Variants in CD82 observed in about 807,000 individuals in gnomAD.
CD82 encodes CD82 antigen.
CD82 carries 36 observed loss-of-function variants against 37.4 expected under a neutral mutation model. That is an observed-to-expected ratio of 0.96 (90% CI 0.74 to 1.27). The LOEUF is 1.27. Among genes scored for constraint, CD82 ranks in the 50% most tolerant of loss-of-function variants. CD82 has a pLI of 0.00. For missense variants in CD82, 340 were observed against 347.0 expected, an observed-to-expected ratio of 0.98 and a Z score of 0.16; for synonymous variants, 158 against 137.4, an observed-to-expected ratio of 1.15 and a Z score of -1.05.
rs781480823 is a variant in CD82, at chr11:44,600,213, G to C, written c.119G>C (p.Ser40Thr). 3.7e-6 allele frequency: 6 copies of C among 1,614,076 alleles called. No homozygotes were observed. In the Admixed American group the frequency reaches 1.0e-4, roughly 27 times the overall value. Residue 40 changes from serine (S) to threonine (T), a missense_variant, in exon 4 of 10, where the codon AGT (serine) becomes ACT (threonine). By Grantham distance (58) the Ser-to-Thr change is moderately conservative. Coordinates refer to ENST00000227155, the MANE Select transcript of CD82 (RefSeq NM_002231.4). ...GTGTGGATCCTGGCCGACAAGAGCA[G>C]TTTCATCTCTGTCCTGCGTAAGGAC... ...FGVWILADKS[S>T]FISVLQTSSS...
chr11:44,569,911 G>C (rs2134611946), intron 1 of CD82, among the ~76,000 whole-genome samples: 1 of 152,324 alleles, frequency 6.6e-6, no homozygotes, highest in African/African-American at 2.4e-5. Context: ...CATAGGTCAT[G>C]AGGAGAAGAC....
chr11:44,601,752 G>GC (rs997654886), intron 4 of CD82, among the ~76,000 whole-genome samples: 1 of 152,122 alleles, frequency 6.6e-6, no homozygotes, highest in Admixed American at 6.5e-5. Flanking sequence ...TTTGGCCCGA[G>GC]CCCCACCCAC....
Position 44,598,400 on chromosome 11 carries a change from A to ATTTTTTTTTTTTTTT in CD82, c.64-1743_64-1729dup, listed in dbSNP as rs71038809. ...CAGTTATCATGGATTTTTGGCCTTA[A>ATTTTTTTTTTTTTTT]TTTTTTTTTTTTTTTTTTTTTTTTT... On this transcript the variant is annotated intron_variant, in intron 3 of 9. Transcript: ENST00000227155. Among the ~76,000 whole-genome samples, 176 of 58,906 alleles carry ATTTTTTTTTTTTTTT rather than the reference A, an allele frequency of 3.0e-3. 25 individuals are homozygous for ATTTTTTTTTTTTTTT. Among genetic ancestry groups the ATTTTTTTTTTTTTTT allele is most frequent in the South Asian group, 3.7e-3 (4 of 1,078 alleles). The allele number at this position is 58,906 out of a possible 152,430, so 38.6% of individuals were successfully genotyped here.
In CD82 at chr11:44,603,561, C is replaced by T. The variant is rs1560296; in HGVS notation, c.137-1497C>T. Among the ~76,000 whole-genome samples, 319 of 152,272 alleles carry T rather than the reference C, an allele frequency of 2.1e-3. 2 individuals carry two copies. Among genetic ancestry groups the T allele is most frequent in the Non-Finnish European group, 3.9e-3 (265 of 68,006 alleles). On this transcript the variant is annotated intron_variant, in intron 4 of 9. Coordinates refer to ENST00000227155, the MANE Select transcript of CD82 (RefSeq NM_002231.4). ...TGGGAGCGTCTTGGTCGGGTTGTAA[C>T]GGACTCAAGCATCTGCATCCCTAAG... is the stretch of plus-strand genomic sequence containing the variant.
chr11:44,587,382 G>A (rs867163300), intron 1 of CD82, 93 bp from the exon 2 acceptor site: 20 of 450,052 alleles, frequency 4.4e-5, no homozygotes, highest in African/African-American at 1.0e-4. Flanking sequence ...CCGGCCACAC[G>A]GGGAGCCTGG....
Position 44,618,200 on chromosome 11 carries a change from A to C in CD82, c.477A>C (p.Thr159=), listed in dbSNP as rs747290721. The part of the protein sequence containing the change: ...CCGWVSFYNW[T]DNAELMNRPE... ...GCTGGGTCAGCTTCTACAACTGGAC[A>C]GACAACGCTGAGCTCATGAATCGCC... The change falls in exon 8 of 10, where the codon ACA becomes ACC. Residue 159 remains threonine (T), a synonymous_variant. Coordinates refer to ENST00000227155, the MANE Select transcript of CD82 (RefSeq NM_002231.4). 2 of 1,614,100 alleles carry C rather than the reference A, an allele frequency of 1.2e-6. No homozygotes were observed. Among genetic ancestry groups the C allele is most frequent in the Non-Finnish European group, 8.5e-7 (1 of 1,180,036 alleles).
intron 1 of CD82, among the ~76,000 whole-genome samples, chr11:44,586,133 A>C: frequency 6.6e-6 from 1 of 152,194 alleles, no homozygotes; most frequent in East Asian, 1.9e-4. Context: ...AACCCCCTGG[A>C]GAACTGAAGA....
chr11:44,585,524 A>G (rs1331787411), intron 1 of CD82, among the ~76,000 whole-genome samples: 2 of 152,158 alleles, frequency 1.3e-5, no homozygotes, highest in South Asian at 2.1e-4. Flanking sequence ...GTGCCCTACT[A>G]TGCACTAGCC....
Position 44,605,200 on chromosome 11 carries a change from C to T in CD82, c.261+18C>T, listed in dbSNP as rs1010346862. ...TGGGGCTGGTGAGTACGGATCCCTCCGCAGCTGCCTGCCCATTTCCTCTCA... is the reference window on the plus strand; with the variant it reads ...TGGGGCTGGTGAGTACGGATCCCTCTGCAGCTGCCTGCCCATTTCCTCTCA... On this transcript the variant is annotated intron_variant, in intron 5 of 9. Transcript: ENST00000227155. 3.7e-6 allele frequency: 6 copies of T among 1,610,926 alleles called. No individual in the cohort carries two copies. In the African/African-American group the frequency reaches 4.0e-5, roughly 11 times the overall value.
At chr11:44,586,813 T>C (rs1191833687) in intron 1 of CD82, among the ~76,000 whole-genome samples, 4 of 152,246 alleles carry the variant, frequency 2.6e-5, no homozygotes, top group Non-Finnish European at 5.9e-5. Context: ...GACCTCCCTT[T>C]TCTCTCCTGC....
chr11:44,618,728 G>A lies in CD82; in HGVS notation c.726+5G>A, dbSNP rs1351358531. ...GTGGGTGTGGCCATCATCGAGGTCT[G>A]AGCCCCCTCCCCCATCCCTTCTCCA... is the stretch of plus-strand genomic sequence containing the variant. On this transcript the variant is annotated splice_donor_5th_base_variant and intron_variant, in intron 9 of 9. Coordinates refer to ENST00000227155, the MANE Select transcript of CD82 (RefSeq NM_002231.4). 4 of 1,610,742 alleles carry A rather than the reference G, an allele frequency of 2.5e-6. No homozygotes were observed. The highest frequency in any genetic ancestry group is 1.1e-5 in the South Asian group (1 of 90,946).
intron 6 of CD82, among the ~76,000 whole-genome samples, chr11:44,612,535 C>CT (rs200389044): frequency 0.12 from 14,663 of 120,670 alleles, 928 homozygotes; most frequent in South Asian, 0.23. Context: ...TGTATAAGGG[C>CT]TTTTTTTTTT....
chr11:44,598,569 C>G (rs1013534917), intron 3 of CD82, among the ~76,000 whole-genome samples: 1 of 151,862 alleles, frequency 6.6e-6, no homozygotes, highest in Non-Finnish European at 1.5e-5. Context: ...CCCATCAACA[C>G]GCCCAGCTAA....
At chr11:44,573,986 G>A (rs977941831) in intron 1 of CD82, among the ~76,000 whole-genome samples, 27 of 152,322 alleles carry the variant, frequency 1.8e-4, no homozygotes, top group African/African-American at 6.5e-4. Flanking sequence ...AGCAAAGGCT[G>A]CTCCTGTCAT....
At chr11:44,576,054 C>G (rs945453768) in intron 1 of CD82, among the ~76,000 whole-genome samples, 1 of 152,338 alleles carries the variant, frequency 6.6e-6, no homozygotes, top group Non-Finnish European at 1.5e-5. Flanking sequence ...CACACCATCT[C>G]TGCGCTAGGA....
rs374019233 is a variant in CD82 at position 44,605,199 on chromosome 11, C to G, written c.261+17C>G. 16 of 1,610,770 alleles carry G rather than the reference C, an allele frequency of 9.9e-6. No homozygotes were observed. The highest frequency in any genetic ancestry group is 1.4e-5 in the Non-Finnish European group (16 of 1,177,966). Reference sequence around the variant, plus strand: ...CTGGGGCTGGTGAGTACGGATCCCTCCGCAGCTGCCTGCCCATTTCCTCTC... The same window carrying G: ...CTGGGGCTGGTGAGTACGGATCCCTGCGCAGCTGCCTGCCCATTTCCTCTC... On this transcript the variant is annotated intron_variant, in intron 5 of 9. Coordinates refer to ENST00000227155, the MANE Select transcript of CD82 (RefSeq NM_002231.4).
intron 1 of CD82, among the ~76,000 whole-genome samples, chr11:44,571,798 C>G (rs1408158181): frequency 1.3e-5 from 2 of 152,204 alleles, no homozygotes; most frequent in African/African-American, 4.8e-5. Context: ...TGCTCTCAAA[C>G]TCCTGGCCTC....
At chr11:44,591,038 CT>C (rs1487344830) in intron 2 of CD82, among the ~76,000 whole-genome samples, 16 of 152,256 alleles carry the variant, frequency 1.1e-4, no homozygotes, top group African/African-American at 3.9e-4. Context: ...GGCAGGAAGA[CT>C]TTGTCTTCTG....
intron 1 of CD82, among the ~76,000 whole-genome samples, chr11:44,585,673 G>A (rs1467322720): frequency 2.0e-5 from 3 of 152,168 alleles, no homozygotes; most frequent in Non-Finnish European, 2.9e-5. Flanking sequence ...GCCAAGGGCC[G>A]GCTCTGTGAT....
Sources: allele counts gnomAD v4.1 joint callset (sites outside exome capture counted in the v4.1 genomes callset), GRCh38; gene constraint gnomAD v4.1.1; transcripts MANE v1.5; gene names NCBI Gene and HGNC (gene_info 2026-07-23, HGNC 2026-07-21).